Variants in KIF13A observed in about 807,000 individuals in gnomAD.
KIF13A encodes the protein kinesin-like protein KIF13A.
A neutral mutation model predicts 212.2 loss-of-function variants in KIF13A; 79 were observed. The observed-to-expected ratio is 0.37, with a 90% CI of 0.31 to 0.45. KIF13A has a LOEUF of 0.45. Ranked by LOEUF, KIF13A falls within the 20% of genes least tolerant of loss-of-function variation. The pLI is 1.00. For missense variants in KIF13A, 1,901 were observed against 2,209.0 expected, an observed-to-expected ratio of 0.86 and a Z score of 2.79; for synonymous variants, 789 against 808.6, an observed-to-expected ratio of 0.98 and a Z score of 0.41.
At chr6:17,901,040 T>C (rs1773017153) in intron 2 of KIF13A, among the ~76,000 whole-genome samples, 1 of 136,710 alleles carries the variant, frequency 7.3e-6, no homozygotes. Context: ...ATCGTGCCAC[T>C]GCACTCCATC....
At chr6:17,929,326 A>T (rs1317554573) in intron 2 of KIF13A, among the ~76,000 whole-genome samples, 1 of 151,806 alleles carries the variant, frequency 6.6e-6, no homozygotes, top group African/African-American at 2.4e-5. Flanking sequence ...TGCAGCTTTG[A>T]ATTTCTGGGC....
chr6:17,776,753 T>A lies in KIF13A; in HGVS notation c.4170+524A>T, dbSNP rs1002718829. ...TGCACTAATCTGTCCTATCCCTCTG[T>A]GACAGTGTCCCCCCTGCTAGGATCA... On this transcript the variant is annotated intron_variant, in intron 34 of 38. Coordinates refer to ENST00000259711, the MANE Select transcript of KIF13A (RefSeq NM_022113.6). The surrounding 1 kb of genome is among the most constrained non-coding windows in gnomAD (Gnocchi z 4.6). 6.6e-6 allele frequency among the ~76,000 whole-genome samples: 1 copy of A among 152,228 alleles called. No homozygotes were observed. The highest frequency in any genetic ancestry group is 1.5e-5 in the Non-Finnish European group (1 of 68,044).
intron 3 of KIF13A, among the ~76,000 whole-genome samples, chr6:17,874,999 G>GTA (rs1554188631): frequency 8.3e-6 from 1 of 120,266 alleles, no homozygotes; most frequent in African/African-American, 3.1e-5. Context: ...ACACGCACAC[G>GTA]CACGCACACA....
chr6:17,807,373 T>C (rs1485712963), intron 18 of KIF13A, among the ~76,000 whole-genome samples: 2 of 152,044 alleles, frequency 1.3e-5, no homozygotes, highest in Non-Finnish European at 2.9e-5. Context: ...GGGAGGTCTA[T>C]AAACGGCCGC....
chr6:17,865,530 G>T (rs1179996450), intron 4 of KIF13A, among the ~76,000 whole-genome samples: 1 of 152,102 alleles, frequency 6.6e-6, no homozygotes, highest in Non-Finnish European at 1.5e-5. Context: ...TACCTGAAGG[G>T]GTGAAGAATG....
Position 17,951,385 on chromosome 6 carries a change from C to A in KIF13A, c.146+35669G>T. ...GGCTCAAGTGATCCTCTTGCCTTGG[C>A]CTCCCAAAGTGCTGGAATTAGAGAT... On this transcript the variant is annotated intron_variant, in intron 2 of 38. Coordinates refer to ENST00000259711, the MANE Select transcript of KIF13A (RefSeq NM_022113.6). The surrounding 1 kb of genome is among the most constrained non-coding windows in gnomAD (Gnocchi z 4.9). The A allele has an allele frequency of 1.6e-6, 1 of 630,172 alleles. No individual in the cohort carries two copies. The highest frequency in any genetic ancestry group is 2.5e-5 in the Admixed American group (1 of 40,712). The allele number at this position is 630,172 out of a possible 1,614,324, so 39.0% of individuals were successfully genotyped here. A position where few individuals can be genotyped will look rare whatever the true frequency, so the allele number is the denominator to read the frequency against.
chr6:17,777,155 A>C lies in KIF13A; in HGVS notation c.4170+122T>G. ...TGTCCCTGGTACAGAGAAGCAGGCT[A>C]CACTTTGGGATGCCCACACCAGTTC... On this transcript the variant is annotated intron_variant, in intron 34 of 38. Transcript: ENST00000259711. This position sits in a 1 kb window ranked among gnomAD's most constrained non-coding sequence, Gnocchi z 4.4. 2 of 739,608 alleles carry C rather than the reference A, an allele frequency of 2.7e-6. No individual in the cohort carries two copies. The highest frequency in any genetic ancestry group is 3.1e-5 in the South Asian group (2 of 64,872). The allele number at this position is 739,608 out of a possible 1,614,324, so 45.8% of individuals were successfully genotyped here.
intron 20 of KIF13A, 33 bp downstream of exon 20, chr6:17,804,328 C>A: frequency 6.9e-7 from 1 of 1,459,118 alleles, no homozygotes; most frequent in South Asian, 1.4e-5. Flanking sequence ...AAACTTGAAC[C>A]ACCATCGTTC....
rs773294233 is a variant in KIF13A, at chr6:17,817,069, A to G, written c.1951T>C (p.Tyr651His). 1.6e-5 allele frequency: 26 copies of G among 1,613,434 alleles called. No individual in the cohort carries two copies. Among genetic ancestry groups the G allele is most frequent in the Admixed American group, 8.3e-5 (5 of 59,996 alleles). Residue 651 changes from tyrosine to histidine, a missense_variant, in exon 17 of 39, where the codon TAC becomes CAC. Around this residue, in one of 5 missense-constraint regions of KIF13A, gnomAD observed 534 missense variants for 536.9 expected, o/e 0.99. Transcript: ENST00000259711. ...TTCTGCTGCGCTGTCTGGCTGCTGT[A>G]GGCCAGGCGGTCAGGGCCGCTACTC... ...PQSSGPDRLA[Y>H]SSQTAQQKVT...
Position 17,843,191 on chromosome 6 carries a change from A to G in KIF13A, c.831-5608T>C, listed in dbSNP as rs893976054. Among the ~76,000 whole-genome samples the G allele has an allele frequency of 6.6e-5, 10 of 152,200 alleles. No homozygotes were observed. The highest frequency in any genetic ancestry group is 2.4e-4 in the African/African-American group (10 of 41,448). On this transcript the variant is annotated intron_variant, in intron 9 of 38. Coordinates refer to ENST00000259711, the MANE Select transcript of KIF13A (RefSeq NM_022113.6). This position sits in a 1 kb window ranked among gnomAD's most constrained non-coding sequence, Gnocchi z 5.3. ...GTTTATGACTGAAAGCACTCAGTAA[A>G]TATCTGCAGCGTTAATCTGAATCTA... is the stretch of plus-strand genomic sequence containing the variant.
chr6:17,774,056 A>T (rs975017654), intron 35 of KIF13A, among the ~76,000 whole-genome samples: 2 of 152,206 alleles, frequency 1.3e-5, no homozygotes, highest in African/African-American at 4.8e-5. Context: ...TTGAGATTTA[A>T]AAGTTTCAAA....
At position 17,914,585 on chromosome 6, in the gene KIF13A, CT is replaced by C. The variant is rs1442152745; in HGVS notation, c.147-16406del. On this transcript the variant is annotated intron_variant, in intron 2 of 38. Transcript: ENST00000259711. The surrounding 1 kb of genome is among the most constrained non-coding windows in gnomAD (Gnocchi z 5.9). Reference sequence around the variant, plus strand: ...ATCCACCAATAACGGATCCTCAGCCCTTTTTTCAAATGTCCTTCTGAAAAAC... The same window carrying C: ...ATCCACCAATAACGGATCCTCAGCCCTTTTTCAAATGTCCTTCTGAAAAAC... Among the ~76,000 whole-genome samples the C allele has an allele frequency of 2.6e-5, 4 of 152,046 alleles. No homozygotes were observed. Among genetic ancestry groups the C allele is most frequent in the Admixed American group, 2.6e-4 (4 of 15,254 alleles).
chr6:17,792,088 A>G (rs917235619), intron 25 of KIF13A, among the ~76,000 whole-genome samples: 3 of 150,330 alleles, frequency 2.0e-5, no homozygotes, highest in African/African-American at 7.3e-5. Flanking sequence ...CCGTAATCCC[A>G]GCTACTCTGG....
chr6:17,925,236 A>G (rs1775401465), intron 2 of KIF13A, among the ~76,000 whole-genome samples: 3 of 152,224 alleles, frequency 2.0e-5, no homozygotes, highest in Admixed American at 2.0e-4. Context: ...CTGAAGTTAG[A>G]GCAAAGAGAT....
chr6:17,952,360 T>C (rs925431549), intron 2 of KIF13A, among the ~76,000 whole-genome samples: 2 of 150,050 alleles, frequency 1.3e-5, no homozygotes, highest in African/African-American at 2.5e-5. Context: ...TGGCCAGGTG[T>C]GGTGGCTCAT....
chr6:17,790,010 C>T (rs1761398191), intron 25 of KIF13A, 100 bp from the exon 26 acceptor site: 1 of 876,894 alleles, frequency 1.1e-6, no homozygotes, highest in Non-Finnish European at 1.8e-6. Flanking sequence ...AAATGGACAG[C>T]TTACCTAACA....
intron 3 of KIF13A, chr6:17,881,874 T>C (rs767699393): frequency 7.8e-6 from 3 of 382,960 alleles, no homozygotes; most frequent in Non-Finnish European, 1.6e-5. Flanking sequence ...CATGTGCCTG[T>C]TATTCCAGCT....
rs913365480 is a variant in KIF13A, at chr6:17,874,999, G to GCGCGCGCACACACACACACA, written c.160-1563_160-1562insTGTGTGTGTGTGTGCGCGCG. 1.2e-3 allele frequency among the ~76,000 whole-genome samples: 141 copies of GCGCGCGCACACACACACACA among 120,326 alleles called. 1 individual carries two copies. Among genetic ancestry groups the GCGCGCGCACACACACACACA allele is most frequent in the African/African-American group, 3.9e-3 (129 of 32,746 alleles). 78.9% of individuals were successfully genotyped at this position (120,326 alleles called of 152,430 possible). Reference sequence around the variant, plus strand: ...CCACCACACACACACACACGCACACGCACGCACACACACACACACACACAC... The same window carrying GCGCGCGCACACACACACACA: ...CCACCACACACACACACACGCACACGCGCGCGCACACACACACACACACGCACACACACACACACACACAC... On this transcript the variant is annotated intron_variant, in intron 3 of 38. Transcript: ENST00000259711.
rs1292709214 is a variant in KIF13A at position 17,883,952 on chromosome 6, A to G, written c.160-10515T>C. ...CTAAAAGGAAATAATAATATTAACA[A>G]AAAAAGAGAAGGAAATCATAATAAT... On this transcript the variant is annotated intron_variant, in intron 3 of 38. Transcript: ENST00000259711. This position sits in a 1 kb window ranked among gnomAD's most constrained non-coding sequence, Gnocchi z 4.8. Among the ~76,000 whole-genome samples, 1 of 152,176 alleles carries G rather than the reference A, an allele frequency of 6.6e-6. No homozygotes were observed. Among genetic ancestry groups the G allele is most frequent in the Non-Finnish European group, 1.5e-5 (1 of 68,028 alleles).
Sources: gnomAD v4.1 joint callset for allele counts (sites outside exome capture counted in the v4.1 genomes callset) on GRCh38, gnomAD v4.1.1 for gene constraint, gnomAD v4.1.1 regional missense constraint, Gnocchi (gnomAD v3.1) non-coding constraint, MANE v1.5 for transcripts, NCBI Gene and HGNC (gene_info 2026-07-23, HGNC 2026-07-21) for gene names.